ARHGAP44: variants seen among roughly 807,000 people sequenced by gnomAD.
The protein encoded by ARHGAP44 is rho GTPase-activating protein 44.
ARHGAP44 carries 43 observed loss-of-function variants against 106.8 expected under a neutral mutation model. The observed-to-expected ratio is 0.40, with a 90% CI of 0.32 to 0.52. The LOEUF is 0.52. Among genes scored for constraint, ARHGAP44 ranks in the 20% least tolerant of loss-of-function variants. The pLI, the probability that ARHGAP44 is intolerant of heterozygous loss-of-function variation, is 0.48. For missense variants in ARHGAP44, 866 were observed against 1,050.5 expected, an observed-to-expected ratio of 0.82 and a Z score of 2.43; for synonymous variants, 439 against 410.3, an observed-to-expected ratio of 1.07 and a Z score of -0.85.
intron 4 of ARHGAP44, among the ~76,000 whole-genome samples, chr17:12,911,067 A>G (rs1190700059): frequency 6.7e-6 from 1 of 148,730 alleles, no homozygotes; most frequent in African/African-American, 2.5e-5. Context: ...AAAAAAAACC[A>G]CATAATAATT....
chr17:12,865,887 T>C (rs1407002057), intron 1 of ARHGAP44, among the ~76,000 whole-genome samples: 1 of 152,124 alleles, frequency 6.6e-6, no homozygotes, highest in African/African-American at 2.4e-5. Context: ...ACCAGGACTT[T>C]ATACTGTATC....
At chr17:12,916,723 T>C (rs2037928256) in intron 5 of ARHGAP44, among the ~76,000 whole-genome samples, 2 of 152,224 alleles carry the variant, frequency 1.3e-5, no homozygotes, top group Admixed American at 1.3e-4. Context: ...CTTTGGACTT[T>C]AAAGGACACT....
At chr17:12,965,691 GT>G (rs1285839271) in intron 16 of ARHGAP44, among the ~76,000 whole-genome samples, 4 of 152,278 alleles carry the variant, frequency 2.6e-5, no homozygotes, top group African/African-American at 9.6e-5. Flanking sequence ...TTAACATGCT[GT>G]TACAAGGCAC....
At chr17:12,933,849 CTTTTTTTT>C (rs11303147) in intron 7 of ARHGAP44, among the ~76,000 whole-genome samples, 4 of 131,540 alleles carry the variant, frequency 3.0e-5, no homozygotes, top group Non-Finnish European at 6.5e-5. Flanking sequence ...CACATAAATT[CTTTTTTTT>C]TTTTTTTTTG....
At chr17:12,832,565 G>T (rs578102287) in intron 1 of ARHGAP44, among the ~76,000 whole-genome samples, 1 of 152,108 alleles carries the variant, frequency 6.6e-6, no homozygotes, top group Non-Finnish European at 1.5e-5. Flanking sequence ...GGCAAGAAGG[G>T]GCTTTGTTTT....
intron 1 of ARHGAP44, among the ~76,000 whole-genome samples, chr17:12,871,726 G>A (rs551999758): frequency 3.9e-5 from 6 of 152,260 alleles, no homozygotes; most frequent in African/African-American, 1.4e-4. Flanking sequence ...TACTGTTCTT[G>A]TGATAGTGAA....
chr17:12,858,858 G>A (rs975636110), intron 1 of ARHGAP44, among the ~76,000 whole-genome samples: 1 of 152,310 alleles, frequency 6.6e-6, no homozygotes, highest in Middle Eastern at 3.4e-3. Flanking sequence ...CAGTCATGGT[G>A]GAAGGTGAAA....
At chr17:12,913,706 G>A (rs1031162135) in intron 4 of ARHGAP44, among the ~76,000 whole-genome samples, 4 of 150,770 alleles carry the variant, frequency 2.7e-5, no homozygotes, top group South Asian at 2.1e-4. Context: ...CTGGGCTCAC[G>A]CCTGTAATCC....
intron 3 of ARHGAP44, among the ~76,000 whole-genome samples, chr17:12,906,526 CT>C: frequency 6.6e-6 from 1 of 152,294 alleles, no homozygotes; most frequent in East Asian, 1.9e-4. Flanking sequence ...CAGGGAAACA[CT>C]TTAGTTGTAT....
chr17:12,939,566 C>T (rs567894344), intron 7 of ARHGAP44, among the ~76,000 whole-genome samples: 28 of 152,178 alleles, frequency 1.8e-4, no homozygotes, highest in Admixed American at 3.9e-4. Flanking sequence ...CCTGGGTTCA[C>T]GCCATTCTCC....
intron 1 of ARHGAP44, among the ~76,000 whole-genome samples, chr17:12,873,181 A>C (rs531277384): frequency 6.6e-6 from 1 of 151,090 alleles, no homozygotes; most frequent in East Asian, 2.0e-4. Flanking sequence ...CCATGAGGTG[A>C]CTTTCCTCTC....
chr17:12,870,432 G>A (rs1308382390), intron 1 of ARHGAP44, among the ~76,000 whole-genome samples: 1 of 152,146 alleles, frequency 6.6e-6, no homozygotes, highest in Admixed American at 6.5e-5. Flanking sequence ...GTTGTATCAG[G>A]TAGTACTTCC....
At chr17:12,982,771 G>C (rs1041770746) in intron 19 of ARHGAP44, 3 of 152,162 alleles carry the variant, frequency 2.0e-5, no homozygotes, top group African/African-American at 7.2e-5. Context: ...GTAAGTGGCA[G>C]GATAGAAATT....
At chr17:12,832,727 A>G (rs953993421) in intron 1 of ARHGAP44, among the ~76,000 whole-genome samples, 2 of 152,254 alleles carry the variant, frequency 1.3e-5, no homozygotes, top group African/African-American at 4.8e-5. Context: ...TTTTATTGCC[A>G]TAATTTTCTC....
At chr17:12,789,925 G>A in intron 1 of ARHGAP44, 34 bp downstream of exon 1, 1 of 1,497,972 alleles carries the variant, frequency 6.7e-7, no homozygotes, top group Non-Finnish European at 8.9e-7. Context: ...GTCGGTGCGC[G>A]CCCGCGAGGC....
chr17:12,972,508 T>C (rs9911971), intron 16 of ARHGAP44, among the ~76,000 whole-genome samples: 80,138 of 150,882 alleles, frequency 0.53, 22,291 homozygotes, highest in African/African-American at 0.71. Flanking sequence ...ATTAGCTGGG[T>C]GTGGTGGCGG....
At chr17:12,909,030 A>G in intron 4 of ARHGAP44, 57 bp downstream of exon 4, 2 of 1,426,910 alleles carry the variant, frequency 1.4e-6, no homozygotes, top group South Asian at 2.6e-5. Context: ...CCCATCCGTG[A>G]AAAGGGGACT....
At chr17:12,843,420 T>TC (rs1443664532) in intron 1 of ARHGAP44, among the ~76,000 whole-genome samples, 1 of 152,012 alleles carries the variant, frequency 6.6e-6, no homozygotes, top group Admixed American at 6.6e-5. Flanking sequence ...CATTTTTTTT[T>TC]CCCTTTGTAT....
At chr17:12,832,543 G>T (rs1425482735) in intron 1 of ARHGAP44, among the ~76,000 whole-genome samples, 1 of 152,180 alleles carries the variant, frequency 6.6e-6, no homozygotes, top group Non-Finnish European at 1.5e-5. Flanking sequence ...TACAAAGGCA[G>T]TCTGGTCCCT....
Sources: gnomAD v4.1 joint callset for allele counts (sites outside exome capture counted in the v4.1 genomes callset) on GRCh38, gnomAD v4.1.1 for gene constraint, MANE v1.5 for transcripts, NCBI Gene and HGNC (gene_info 2026-07-23, HGNC 2026-07-21) for gene names.